The following SNX7 variants were observed in gnomAD, a reference collection of about 807,000 sequenced individuals.
SNX7 encodes sorting nexin-7.
A neutral mutation model predicts 48.4 loss-of-function variants in SNX7; 35 were observed. The ratio of observed to expected loss-of-function variants is 0.72; its 90% confidence interval spans 0.55 to 0.96. The LOEUF is 0.96. Among genes scored for constraint, SNX7 ranks in the 40% least tolerant of loss-of-function variants. The probability of loss-of-function intolerance (pLI) is 0.00; values close to 1 mark genes in which losing one functional copy is unlikely to be tolerated. For missense variants in SNX7, 553 were observed against 548.9 expected (o/e 1.01, Z -0.07); for synonymous variants, 190 against 190.2 (o/e 1.00, Z 0.01).
chr1:98,686,615 G>T (rs1650814500), intron 2 of SNX7, among the ~76,000 whole-genome samples: 1 of 152,110 alleles, frequency 6.6e-6, no homozygotes, highest in Admixed American at 6.6e-5. Context: ...AATTATCTTA[G>T]CTATATCAAG....
At chr1:98,731,423 C>T (rs1653506013) in intron 7 of SNX7, among the ~76,000 whole-genome samples, 1 of 152,090 alleles carries the variant, frequency 6.6e-6, no homozygotes, top group African/African-American at 2.4e-5. Context: ...TGAGCATGAG[C>T]TGCTTCAGAA....
chr1:98,695,591 C>G lies in SNX7; in HGVS notation c.713C>G (p.Ser238Cys). 1 of 1,614,026 alleles carries G rather than the reference C, an allele frequency of 6.2e-7. No individual in the cohort carries two copies. The highest frequency in any genetic ancestry group is 8.5e-7 in the Non-Finnish European group (1 of 1,180,002). ...RMGQTVRAVA[S>C]SMRGVKNRPE... ...GGGCAAACCGTCAGAGCTGTTGCGTCCTCAATGAGAGGAGTTAAAAACCGC... is the reference window on the plus strand; with the variant it reads ...GGGCAAACCGTCAGAGCTGTTGCGTGCTCAATGAGAGGAGTTAAAAACCGC... The change falls in exon 5 of 9, where the codon TCC becomes TGC. Residue 238 changes from serine to cysteine, a missense_variant. Physicochemically the swap from Ser to Cys is moderately radical, Grantham distance 112. Coordinates refer to ENST00000306121, the MANE Select transcript of SNX7 (RefSeq NM_015976.5).
At chr1:98,669,132 A>C (rs143477239) in intron 1 of SNX7, among the ~76,000 whole-genome samples, 2 of 152,286 alleles carry the variant, frequency 1.3e-5, no homozygotes, top group African/African-American at 4.8e-5. Flanking sequence ...TTTTCCATTT[A>C]ATTTTCTCCT....
In SNX7 at chr1:98,760,318, G is replaced by A. The variant is rs1655050947; in HGVS notation, c.*187G>A. The A allele has an allele frequency of 1.8e-6, 1 of 561,844 alleles. No homozygotes were observed. Among genetic ancestry groups the A allele is most frequent in the Non-Finnish European group, 3.2e-6 (1 of 314,520 alleles). 34.8% of individuals were successfully genotyped at this position (561,844 alleles called of 1,614,324 possible). On this transcript the variant is annotated 3_prime_UTR_variant, in exon 9 of 9. Transcript: ENST00000306121. ...AATTTGAAGATATATCTATCTGTAT[G>A]GATATATATCTATATGTATATAGAT...
rs370847077 is a variant in SNX7, at chr1:98,699,571, T to C, written c.1038+666T>C. Among the ~76,000 whole-genome samples, 142 of 152,302 alleles carry C rather than the reference T, an allele frequency of 9.3e-4. 3 individuals carry two copies. In the South Asian group the frequency reaches 0.028, roughly 30 times the overall value. Reference sequence around the variant, plus strand: ...AGGCAAATTGGCACCCTCAGTGTTTTAGGGTGGTGATGGGGACAGGAGTCA... The same window carrying C: ...AGGCAAATTGGCACCCTCAGTGTTTCAGGGTGGTGATGGGGACAGGAGTCA... On this transcript the variant is annotated intron_variant, in intron 6 of 8. Coordinates refer to ENST00000306121, the MANE Select transcript of SNX7 (RefSeq NM_015976.5).
chr1:98,701,419 C>T (rs939475971), intron 6 of SNX7, among the ~76,000 whole-genome samples: 3 of 151,534 alleles, frequency 2.0e-5, no homozygotes, highest in Non-Finnish European at 4.4e-5. Flanking sequence ...AGATATGGTC[C>T]ATGTGACATC....
At chr1:98,738,208 A>G in intron 7 of SNX7, 29 bp from the exon 8 acceptor site, 2 of 1,601,388 alleles carry the variant, frequency 1.2e-6, no homozygotes, top group Non-Finnish European at 1.7e-6. Context: ...TTCATAGATC[A>G]ATGTATCTCT....
chr1:98,755,839 C>A (rs1654814582), intron 8 of SNX7, among the ~76,000 whole-genome samples: 1 of 151,850 alleles, frequency 6.6e-6, no homozygotes, highest in Non-Finnish European at 1.5e-5. Flanking sequence ...GAAATTTAAA[C>A]AAAGTATAGG....
At chr1:98,689,471 G>T (rs1650992497) in intron 2 of SNX7, among the ~76,000 whole-genome samples, 1 of 152,120 alleles carries the variant, frequency 6.6e-6, no homozygotes. Flanking sequence ...GAGTGATGAG[G>T]ATAGACTGAA....
At chr1:98,695,438 C>T in intron 4 of SNX7, 80 bp from the exon 5 acceptor site, 1 of 1,329,994 alleles carries the variant, frequency 7.5e-7, no homozygotes, top group Non-Finnish European at 1.1e-6. Flanking sequence ...ATTTTATTCT[C>T]CTAATTAGGT....
At chr1:98,732,599 AT>A (rs940668643) in intron 7 of SNX7, among the ~76,000 whole-genome samples, 2 of 152,060 alleles carry the variant, frequency 1.3e-5, no homozygotes, top group Admixed American at 6.6e-5. Flanking sequence ...TTTCAGCTTA[AT>A]TTTTTTCCTT....
intron 5 of SNX7, among the ~76,000 whole-genome samples, chr1:98,697,321 A>G (rs1651509897): frequency 6.6e-6 from 1 of 152,084 alleles, no homozygotes; most frequent in Non-Finnish European, 1.5e-5. Context: ...TTTATTTAAT[A>G]CAGACTTTTA....
intron 7 of SNX7, among the ~76,000 whole-genome samples, chr1:98,731,279 A>G (rs559622301): frequency 1.1e-4 from 17 of 152,170 alleles, no homozygotes; most frequent in Admixed American, 9.2e-4. Flanking sequence ...TCAAGGAACT[A>G]TGTGCTTATT....
upstream of SNX7, among the ~76,000 whole-genome samples, chr1:98,661,507 G>A (rs965361641): frequency 2.0e-5 from 3 of 152,098 alleles, no homozygotes; most frequent in African/African-American, 7.2e-5. Context: ...CAACGTAGCC[G>A]GAGTCCGAGA....
intron 1 of SNX7, among the ~76,000 whole-genome samples, chr1:98,665,848 C>T (rs1263395818): frequency 6.6e-6 from 1 of 152,160 alleles, no homozygotes; most frequent in Non-Finnish European, 1.5e-5. Flanking sequence ...TCTCGGCCTC[C>T]CAAAGTGCAG....
At chr1:98,691,785 A>G (rs1034814886) in intron 4 of SNX7, 86 bp downstream of exon 4, 119 of 1,124,148 alleles carry the variant, frequency 1.1e-4, no homozygotes, top group Admixed American at 2.3e-4. Context: ...TACCGTTACA[A>G]ATCATGCAGT....
chr1:98,691,725 A>G, intron 4 of SNX7, 26 bp downstream of exon 4: 2 of 1,553,366 alleles, frequency 1.3e-6, no homozygotes, highest in Non-Finnish European at 1.7e-6. Flanking sequence ...TTATACTCAT[A>G]TAATCTTTGG....
intron 8 of SNX7, among the ~76,000 whole-genome samples, chr1:98,746,238 T>C (rs1244964678): frequency 6.6e-6 from 1 of 152,050 alleles, no homozygotes; most frequent in Admixed American, 6.6e-5. Flanking sequence ...TTTTAAAAAT[T>C]GACTATTATA....
At chr1:98,675,273 G>C (rs529677998) in intron 1 of SNX7, among the ~76,000 whole-genome samples, 3 of 152,142 alleles carry the variant, frequency 2.0e-5, no homozygotes, top group Non-Finnish European at 2.9e-5. Flanking sequence ...TTTAAGTATT[G>C]TTAGTATATT....
Sources: allele counts gnomAD v4.1 joint callset (sites outside exome capture counted in the v4.1 genomes callset), GRCh38; gene constraint gnomAD v4.1.1; transcripts MANE v1.5; gene names NCBI Gene and HGNC (gene_info 2026-07-23, HGNC 2026-07-21).